The following ST6GALNAC5 variants were observed in gnomAD, a reference collection of about 807,000 sequenced individuals.
ST6GALNAC5 encodes the protein alpha-N-acetylgalactosaminide alpha-2,6-sialyltransferase 5.
A neutral mutation model predicts 33.6 loss-of-function variants in ST6GALNAC5; 27 were observed. The ratio of observed to expected loss-of-function variants is 0.80; its 90% CI spans 0.59 to 1.11. The LOEUF (loss-of-function observed/expected upper bound fraction) is 1.11, where lower values mean the gene tolerates loss of function less well. ST6GALNAC5 is among the 50% of genes least tolerant of loss of function. The pLI is 0.00. For missense variants in ST6GALNAC5, 428 were observed against 454.0 expected, an observed-to-expected ratio of 0.94 and a Z score of 0.52; for synonymous variants, 194 against 171.2, an observed-to-expected ratio of 1.13 and a Z score of -1.04.
chr1:76,969,787 C>T (rs1648664731), intron 2 of ST6GALNAC5, among the ~76,000 whole-genome samples: 1 of 152,126 alleles, frequency 6.6e-6, no homozygotes, highest in African/African-American at 2.4e-5. Flanking sequence ...GGCCGACTGA[C>T]ACCTCATACA....
At chr1:77,002,573 T>A (rs1202087179) in intron 2 of ST6GALNAC5, among the ~76,000 whole-genome samples, 2 of 142,046 alleles carry the variant, frequency 1.4e-5, no homozygotes, top group East Asian at 2.1e-4. Context: ...GTTCTTTTAA[T>A]TGTGATGTTA....
At chr1:77,042,032 T>A (rs1229455395) in intron 2 of ST6GALNAC5, among the ~76,000 whole-genome samples, 1 of 152,228 alleles carries the variant, frequency 6.6e-6, no homozygotes, top group African/African-American at 2.4e-5. Context: ...TCAGGTTTCT[T>A]GGGTTCAAAT....
rs553553804 is a variant in ST6GALNAC5 at position 77,054,848 on chromosome 1, C to A, written c.779+4483C>A. ...TTGTACCCCCTAAAAGTATTAAGCC[C>A]ATGGACTTCTTAGGAAGAAAGATAG... On this transcript the variant is annotated intron_variant, in intron 4 of 4. Coordinates refer to ENST00000477717, the MANE Select transcript of ST6GALNAC5 (RefSeq NM_030965.3). Among the ~76,000 whole-genome samples the A allele has an allele frequency of 2.6e-5, 4 of 152,162 alleles. No individual in the cohort carries two copies. The South Asian group carries it at 8.3e-4, about 32-fold the overall frequency.
At chr1:76,869,817 C>T (rs923346807) in intron 2 of ST6GALNAC5, among the ~76,000 whole-genome samples, 2 of 152,130 alleles carry the variant, frequency 1.3e-5, no homozygotes, top group Admixed American at 1.3e-4. Context: ...CCCAGTCTTA[C>T]GGATCTTTAA....
chr1:76,888,379 T>C (rs1055248018), intron 2 of ST6GALNAC5, among the ~76,000 whole-genome samples: 1 of 152,178 alleles, frequency 6.6e-6, no homozygotes, highest in Non-Finnish European at 1.5e-5. Flanking sequence ...CTCTGAAGCA[T>C]AGGACCAAGA....
At chr1:76,896,589 A>T (rs1006733523) in intron 2 of ST6GALNAC5, among the ~76,000 whole-genome samples, 10 of 152,104 alleles carry the variant, frequency 6.6e-5, no homozygotes, top group Non-Finnish European at 2.9e-5. Flanking sequence ...AAACATGGGG[A>T]AATGAGGTGG....
rs1422785042 is a variant in ST6GALNAC5 at position 76,885,065 on chromosome 1, G to A, written c.261+16323G>A. Among the ~76,000 whole-genome samples, 6 of 152,130 alleles carry A rather than the reference G, an allele frequency of 3.9e-5. No individual in the cohort carries two copies. The East Asian group carries it at 1.2e-3, about 29-fold the overall frequency. On this transcript the variant is annotated intron_variant, in intron 2 of 4. Transcript: ENST00000477717. Reference sequence around the variant, plus strand: ...ATCTCAATCTTTAGAAGGTTTAAAGGATGGGATGGCGCCAGACCTTACTTT... The same window carrying A: ...ATCTCAATCTTTAGAAGGTTTAAAGAATGGGATGGCGCCAGACCTTACTTT...
chr1:77,029,947 T>C (rs1651391254), intron 2 of ST6GALNAC5, among the ~76,000 whole-genome samples: 1 of 152,226 alleles, frequency 6.6e-6, no homozygotes, highest in South Asian at 2.1e-4. Flanking sequence ...ATGTCATTTA[T>C]GGGAATGCAG....
chr1:76,869,109 G>C (rs1653435981), intron 2 of ST6GALNAC5: 1 of 228,466 alleles, frequency 4.4e-6, no homozygotes, highest in African/African-American at 2.3e-5. Flanking sequence ...AACTGGGGTT[G>C]GCGCGGGTAC....
At chr1:76,916,634 A>C (rs775980128) in intron 2 of ST6GALNAC5, among the ~76,000 whole-genome samples, 1 of 152,172 alleles carries the variant, frequency 6.6e-6, no homozygotes, top group Non-Finnish European at 1.5e-5. Context: ...ACAAGGCTTG[A>C]ATAAACTGTT....
Position 77,005,920 on chromosome 1 carries a change from T to C in ST6GALNAC5, c.262-38284T>C, listed in dbSNP as rs981951523. On this transcript the variant is annotated intron_variant, in intron 2 of 4. Coordinates refer to ENST00000477717, the MANE Select transcript of ST6GALNAC5 (RefSeq NM_030965.3). Reference sequence around the variant, plus strand: ...GCTAAATATGTTCTACTCCATGTTATACACATTTTGTTTATCCATTCCTCC... The same window carrying C: ...GCTAAATATGTTCTACTCCATGTTACACACATTTTGTTTATCCATTCCTCC... 3.3e-5 allele frequency among the ~76,000 whole-genome samples: 5 copies of C among 152,378 alleles called. No individual in the cohort carries two copies. The East Asian group carries it at 9.6e-4, about 29-fold the overall frequency.
chr1:76,919,001 C>T (rs1647004263), intron 2 of ST6GALNAC5, among the ~76,000 whole-genome samples: 1 of 152,122 alleles, frequency 6.6e-6, no homozygotes, highest in Admixed American at 6.5e-5. Flanking sequence ...GTAAGCGCCT[C>T]TCTTGTCTTA....
intron 4 of ST6GALNAC5, among the ~76,000 whole-genome samples, chr1:77,062,212 T>A (rs1570152588): frequency 6.6e-6 from 1 of 152,188 alleles, no homozygotes; most frequent in Non-Finnish European, 1.5e-5. Flanking sequence ...GACAAAACAC[T>A]GCCCTCATGA....
At chr1:77,026,810 AATGAAT>A (rs1651256095) in intron 2 of ST6GALNAC5, among the ~76,000 whole-genome samples, 1 of 152,112 alleles carries the variant, frequency 6.6e-6, no homozygotes, top group African/African-American at 2.4e-5. Context: ...TGAATGAATG[AATGAAT>A]GAATGAATGA....
intron 2 of ST6GALNAC5, among the ~76,000 whole-genome samples, chr1:76,869,866 A>G (rs1453742575): frequency 6.6e-6 from 1 of 152,228 alleles, no homozygotes; most frequent in Non-Finnish European, 1.5e-5. Flanking sequence ...AAATGTGTGT[A>G]GATGGATAAA....
At chr1:77,016,218 G>C (rs201734756) in intron 2 of ST6GALNAC5, among the ~76,000 whole-genome samples, 7 of 52,470 alleles carry the variant, frequency 1.3e-4, no homozygotes, top group East Asian at 6.3e-4. Flanking sequence ...TCCTCCTCCT[G>C]TATCTCCTCC....
chr1:76,893,091 GC>G (rs1654048313), intron 2 of ST6GALNAC5, among the ~76,000 whole-genome samples: 1 of 152,114 alleles, frequency 6.6e-6, no homozygotes, highest in African/African-American at 2.4e-5. Flanking sequence ...CCCCGTCTTG[GC>G]AGGCATAAGG....
chr1:76,913,325 G>A (rs1315392194), intron 2 of ST6GALNAC5, among the ~76,000 whole-genome samples: 3 of 151,088 alleles, frequency 2.0e-5, no homozygotes, highest in Non-Finnish European at 4.4e-5. Flanking sequence ...TGGGTAACCC[G>A]ACCTTTCTCT....
At position 76,897,171 on chromosome 1, in the gene ST6GALNAC5, T is replaced by C. The variant is rs929627424; in HGVS notation, c.261+28429T>C. Among the ~76,000 whole-genome samples the C allele has an allele frequency of 9.9e-5, 15 of 152,184 alleles. 1 individual carries two copies. Among genetic ancestry groups the C allele is most frequent in the African/African-American group, 3.4e-4 (14 of 41,508 alleles). On this transcript the variant is annotated intron_variant, in intron 2 of 4. Transcript: ENST00000477717. ...GTACAGCCTAGGTAATTTGCTGAGCTTGATGGGTGTCAGGGTCAGTCCAGG... is the reference window on the plus strand; with the variant it reads ...GTACAGCCTAGGTAATTTGCTGAGCCTGATGGGTGTCAGGGTCAGTCCAGG...
Sources: gnomAD v4.1 joint callset for allele counts (sites outside exome capture counted in the v4.1 genomes callset) on GRCh38, gnomAD v4.1.1 for gene constraint, MANE v1.5 for transcripts, NCBI Gene and HGNC (gene_info 2026-07-23, HGNC 2026-07-21) for gene names.